COPRS: variants seen among roughly 807,000 people sequenced by gnomAD.
The protein encoded by COPRS is cooperator of PRMT5.
Under a neutral mutation model 19.9 loss-of-function variants are expected in COPRS, and 11 were observed. The ratio of observed to expected loss-of-function variants is 0.55; its 90% CI spans 0.35 to 0.92. The LOEUF is 0.92. Among genes scored for constraint, COPRS ranks in the 40% least tolerant of loss-of-function variants. COPRS has a pLI of 0.01. For synonymous variants in COPRS, 81 were observed against 82.7 expected (o/e 0.98, Z 0.11); for missense variants, 225 against 229.9 (o/e 0.98, Z 0.14).
chr17:31,857,292 T>C (rs1289737609), intron 1 of COPRS, among the ~76,000 whole-genome samples: 2 of 152,198 alleles, frequency 1.3e-5, no homozygotes, highest in Admixed American at 6.6e-5. Context: ...TGCAGAGCCT[T>C]TTCCCTAAGC....
At position 31,851,891 on chromosome 17, in the gene COPRS, T is replaced by G. The variant is rs1420348829; in HGVS notation, c.*248A>C. On this transcript the variant is annotated 3_prime_UTR_variant, in exon 4 of 4. Transcript: ENST00000302362. ...ACTGGTTTCTCTTTTTAACCTTTAT[T>G]TACAAAGAACACAACTCCTCTTGAC... 4 of 432,276 alleles carry G rather than the reference T, an allele frequency of 9.3e-6. No homozygotes were observed. Among genetic ancestry groups the G allele is most frequent in the African/African-American group, 8.2e-5 (4 of 48,648 alleles). The allele number at this position is 432,276 out of a possible 1,614,324, so 26.8% of individuals were successfully genotyped here.
chr17:31,851,975 A>G lies in COPRS; in HGVS notation c.*164T>C. 1 of 677,374 alleles carries G rather than the reference A, an allele frequency of 1.5e-6. No individual in the cohort carries two copies. The highest frequency in any genetic ancestry group is 2.5e-6 in the Non-Finnish European group (1 of 404,630). 42.0% of individuals were successfully genotyped at this position (677,374 alleles called of 1,614,324 possible). A position where few individuals can be genotyped will look rare whatever the true frequency, so the allele number is the denominator to read the frequency against. ...TAAGAACAACAACAGACTGGCGAGA[A>G]TGACGGGGCCTTATTGAACACTGTC... On this transcript the variant is annotated 3_prime_UTR_variant, in exon 4 of 4. Transcript: ENST00000302362.
intron 1 of COPRS, chr17:31,858,514 G>T: frequency 3.5e-6 from 2 of 564,512 alleles, no homozygotes; most frequent in Non-Finnish European, 4.5e-6. Context: ...GGTACAGACT[G>T]TAAACAAGGA....
intron 2 of COPRS, among the ~76,000 whole-genome samples, chr17:31,855,403 AG>A (rs1182108052): frequency 2.0e-5 from 3 of 152,180 alleles, no homozygotes; most frequent in Non-Finnish European, 4.4e-5. Context: ...GCTACTCGGG[AG>A]GCTGAGGCAG....
chr17:31,852,085 A>G lies in COPRS; in HGVS notation c.*54T>C. The G allele has an allele frequency of 2.3e-5, 37 of 1,605,748 alleles. 1 individual carries two copies. In the South Asian group the frequency reaches 4.1e-4, roughly 18 times the overall value. ...TATGACTTTTCACCTCCAAGACAGGAAAAGAGATCTTGACGTGGAGGCCCG... is the reference window on the plus strand; with the variant it reads ...TATGACTTTTCACCTCCAAGACAGGGAAAGAGATCTTGACGTGGAGGCCCG... On this transcript the variant is annotated 3_prime_UTR_variant, in exon 4 of 4. Coordinates refer to ENST00000302362, the MANE Select transcript of COPRS (RefSeq NM_018405.4).
chr17:31,853,113 T>C (rs1909216025), intron 2 of COPRS, 83 bp from the exon 3 acceptor site: 6 of 978,898 alleles, frequency 6.1e-6, no homozygotes, highest in Admixed American at 5.8e-5. Flanking sequence ...GCAGACTTAC[T>C]ACGAAGGTAG....
At chr17:31,853,128 A>T in intron 2 of COPRS, 98 bp from the exon 3 acceptor site, 5 of 826,450 alleles carry the variant, frequency 6.0e-6, no homozygotes, top group Non-Finnish European at 1.0e-5. Flanking sequence ...AGGTAGTAAA[A>T]CAAGTGCACA....
In COPRS at chr17:31,856,100, C is replaced by G. The variant is rs542710750; in HGVS notation, c.166+699G>C. On this transcript the variant is annotated intron_variant, in intron 2 of 3. Coordinates refer to ENST00000302362, the MANE Select transcript of COPRS (RefSeq NM_018405.4). ...CAGTAATCCCAGCACTTTGGGAGGC[C>G]TAGGTGGGCAGATCACTTGAGATCA... Among the ~76,000 whole-genome samples, 95 of 151,194 alleles carry G rather than the reference C, an allele frequency of 6.3e-4. 1 individual carries two copies. Among genetic ancestry groups the G allele is most frequent in the Middle Eastern group, 3.5e-3 (1 of 286 alleles).
intron 3 of COPRS, 82 bp downstream of exon 3, chr17:31,852,728 CCT>C: frequency 2.2e-6 from 2 of 919,786 alleles, no homozygotes; most frequent in South Asian, 1.3e-5. Flanking sequence ...GATGTGGACC[CCT>C]GTTCCAAACT....
At chr17:31,858,521 A>C in intron 1 of COPRS, 3 of 512,438 alleles carry the variant, frequency 5.9e-6, no homozygotes, top group Non-Finnish European at 7.5e-6. Flanking sequence ...ACTGTAAACA[A>C]GGACAGGTAA....
At chr17:31,858,967 C>T in intron 1 of COPRS, 134 bp downstream of exon 1, 1 of 1,376,866 alleles carries the variant, frequency 7.3e-7, no homozygotes, top group East Asian at 3.1e-5. Context: ...CCAAACAGCG[C>T]TCCGTGTCGC....
At chr17:31,855,773 A>T (rs1872966482) in intron 2 of COPRS, among the ~76,000 whole-genome samples, 1 of 152,044 alleles carries the variant, frequency 6.6e-6, no homozygotes, top group Non-Finnish European at 1.5e-5. Flanking sequence ...AGGCAGATGG[A>T]TCAGGTGAGG....
chr17:31,852,349 G>GGGAA (rs1307908019), intron 3 of COPRS, 41 bp from the exon 4 acceptor site: 3 of 1,526,854 alleles, frequency 2.0e-6, no homozygotes, highest in Non-Finnish European at 2.7e-6. Context: ...GAAGGAAGGA[G>GGGAA]GGAAGGAAGG....
At position 31,858,788 on chromosome 17, in the gene COPRS, C is replaced by G. The variant is rs773683210; in HGVS notation, c.99+313G>C. 15 of 1,550,382 alleles carry G rather than the reference C, an allele frequency of 9.7e-6. No homozygotes were observed. The African/African-American group carries it at 1.9e-4, about 20-fold the overall frequency. ...CCTCGCCCAGGCTCCTGGCAGCGGG[C>G]CCCGGCTCTCGGTCACCAGCGTCAC... On this transcript the variant is annotated intron_variant, in intron 1 of 3. Transcript: ENST00000302362.
intron 2 of COPRS, among the ~76,000 whole-genome samples, chr17:31,855,147 G>T (rs1018435558): frequency 5.3e-5 from 8 of 151,994 alleles, no homozygotes; most frequent in African/African-American, 1.9e-4. Context: ...AGGCCGAGGT[G>T]GGCGGATCAC....
chr17:31,852,789 A>G, intron 3 of COPRS, 23 bp downstream of exon 3: 1 of 1,563,826 alleles, frequency 6.4e-7, no homozygotes, highest in African/African-American at 1.4e-5. Flanking sequence ...CTAGTTCAGG[A>G]CCCCCAGAGA....
At chr17:31,855,816 T>G (rs1909330118) in intron 2 of COPRS, among the ~76,000 whole-genome samples, 1 of 151,108 alleles carries the variant, frequency 6.6e-6, no homozygotes, top group South Asian at 2.1e-4. Flanking sequence ...GCTAACATGG[T>G]GAAACCCCAT....
At position 31,859,083 on chromosome 17, in the gene COPRS, C is replaced by G; in HGVS notation, c.99+18G>C. Reference sequence around the variant, plus strand: ...GGCTGCGGCTGGCTGTTGCTCCTGGCCCCCACGCGGCGCTCACCTCCGGGC... The same window carrying G: ...GGCTGCGGCTGGCTGTTGCTCCTGGGCCCCACGCGGCGCTCACCTCCGGGC... On this transcript the variant is annotated intron_variant, in intron 1 of 3. Transcript: ENST00000302362. 1 of 1,130,582 alleles carries G rather than the reference C, an allele frequency of 8.8e-7. No homozygotes were observed. Among genetic ancestry groups the G allele is most frequent in the Non-Finnish European group, 1.1e-6 (1 of 925,700 alleles). 70.0% of individuals were successfully genotyped at this position (1,130,582 alleles called of 1,614,324 possible). A position where few individuals can be genotyped will look rare whatever the true frequency, so the allele number is the denominator to read the frequency against.
intron 2 of COPRS, among the ~76,000 whole-genome samples, chr17:31,855,761 T>A (rs1350397647): frequency 6.6e-6 from 1 of 151,624 alleles, no homozygotes; most frequent in Non-Finnish European, 1.5e-5. Flanking sequence ...TCTGAGAGGC[T>A]GAGGCAGATG....
Sources: gnomAD v4.1 joint callset for allele counts (sites outside exome capture counted in the v4.1 genomes callset) on GRCh38, gnomAD v4.1.1 for gene constraint, MANE v1.5 for transcripts, NCBI Gene and HGNC (gene_info 2026-07-23, HGNC 2026-07-21) for gene names.